Variants in EFHD1 observed in about 807,000 individuals in gnomAD.
The protein encoded by EFHD1 is EF-hand domain-containing protein D1.
In EFHD1, 10 loss-of-function variants were observed where a neutral mutation model predicts 17.2. The ratio of observed to expected loss-of-function variants is 0.58; its 90% CI spans 0.36 to 0.99. EFHD1 has a LOEUF of 0.99. Among genes scored for constraint, EFHD1 ranks in the 50% least tolerant of loss-of-function variants. The pLI, the probability that EFHD1 is intolerant of heterozygous loss-of-function variation, is 0.01. For synonymous variants in EFHD1, 153 were observed against 142.0 expected (o/e 1.08, Z -0.55); for missense variants, 310 against 327.5 (o/e 0.95, Z 0.41).
chr2:232,649,185 C>A (rs572379434), intron 1 of EFHD1, among the ~76,000 whole-genome samples: 20 of 152,246 alleles, frequency 1.3e-4, no homozygotes, highest in Non-Finnish European at 2.8e-4. Flanking sequence ...CAGCCATTGT[C>A]CCTTGCTGCT....
intron 1 of EFHD1, among the ~76,000 whole-genome samples, chr2:232,628,313 G>C (rs1042425129): frequency 1.4e-4 from 22 of 152,108 alleles, no homozygotes; most frequent in African/African-American, 5.1e-4. Flanking sequence ...TACCTACCTT[G>C]ACCTCCCAAA....
At chr2:232,663,894 T>C (rs1286801453) in intron 2 of EFHD1, among the ~76,000 whole-genome samples, 2 of 152,036 alleles carry the variant, frequency 1.3e-5, no homozygotes, top group African/African-American at 2.4e-5. Flanking sequence ...CTAGTCTCCA[T>C]TGATCCTCCC....
At chr2:232,659,483 G>A (rs1294044138) in intron 1 of EFHD1, among the ~76,000 whole-genome samples, 2 of 152,088 alleles carry the variant, frequency 1.3e-5, no homozygotes, top group African/African-American at 2.4e-5. Flanking sequence ...GAGAGGAATG[G>A]CACAAGTTGG....
At chr2:232,674,301 T>G (rs6710612) in intron 3 of EFHD1, among the ~76,000 whole-genome samples, 1,630 of 152,314 alleles carry the variant, frequency 0.011, 25 homozygotes, top group African/African-American at 0.038. Context: ...ATCAGGGAAG[T>G]GAGTTCATTG....
intron 2 of EFHD1, among the ~76,000 whole-genome samples, chr2:232,670,786 G>A (rs955898606): frequency 6.6e-6 from 1 of 152,030 alleles, no homozygotes; most frequent in African/African-American, 2.4e-5. Context: ...TTGAAAATTA[G>A]CATAAACATA....
chr2:232,617,361 A>G (rs1693944469), intron 1 of EFHD1, among the ~76,000 whole-genome samples: 4 of 152,156 alleles, frequency 2.6e-5, no homozygotes, highest in Admixed American at 2.0e-4. Context: ...GTATGTATCA[A>G]GAATGCTGGC....
rs1258657326 is a variant in EFHD1, at chr2:232,633,657, G to GCGTCC, written c.-40_-36dup. 1 of 1,379,478 alleles carries GCGTCC rather than the reference G, an allele frequency of 7.2e-7. No individual in the cohort carries two copies. The highest frequency in any genetic ancestry group is 9.3e-7 in the Non-Finnish European group (1 of 1,077,700). The allele number at this position is 1,379,478 out of a possible 1,614,324, so 85.5% of individuals were successfully genotyped here. A position where few individuals can be genotyped will look rare whatever the true frequency, so the allele number is the denominator to read the frequency against. ...GGAGCGCGCCGCCCGCCAGCTCCCT[G>GCGTCC]CGTCCCGTCCCGCGTCCCCGCGTTC... On this transcript the variant is annotated 5_prime_UTR_variant, in exon 1 of 4. Coordinates refer to ENST00000264059, the MANE Select transcript of EFHD1 (RefSeq NM_025202.4).
chr2:232,610,634 T>C (rs1165645208), intron 1 of EFHD1: 1 of 151,760 alleles, frequency 6.6e-6, no homozygotes, highest in African/African-American at 2.4e-5. Flanking sequence ...TCCCAACACT[T>C]TGGGAACCTG....
intron 2 of EFHD1, among the ~76,000 whole-genome samples, chr2:232,667,225 C>T (rs1005733347): frequency 2.0e-5 from 3 of 152,080 alleles, no homozygotes; most frequent in Non-Finnish European, 4.4e-5. Flanking sequence ...TGTGCTGGGC[C>T]GCCCGCCTGC....
intron 1 of EFHD1, among the ~76,000 whole-genome samples, chr2:232,661,017 G>A (rs541650568): frequency 1.8e-4 from 28 of 151,732 alleles, no homozygotes; most frequent in African/African-American, 5.8e-4. Flanking sequence ...GTGTGGTGGC[G>A]CACACCTGTA....
intron 1 of EFHD1, among the ~76,000 whole-genome samples, chr2:232,646,474 TCA>T (rs1417231841): frequency 2.5e-5 from 3 of 121,198 alleles, no homozygotes; most frequent in Non-Finnish European, 2.0e-5. Context: ...AGACAGTGTT[TCA>T]CTCTGTCACC....
chr2:232,629,593 C>T (rs145525713), upstream of EFHD1, among the ~76,000 whole-genome samples: 3,064 of 152,104 alleles, frequency 0.02, 78 homozygotes, highest in African/African-American at 0.059. Context: ...CTCAGCCTCC[C>T]GAGTACCTGG....
chr2:232,640,601 G>T (rs147458233), intron 1 of EFHD1, among the ~76,000 whole-genome samples: 5 of 152,210 alleles, frequency 3.3e-5, no homozygotes, highest in Admixed American at 6.5e-5. Flanking sequence ...AAGGATCTTG[G>T]CCCTTGAGAA....
chr2:232,662,210 C>T, intron 1 of EFHD1, among the ~76,000 whole-genome samples: 1 of 152,066 alleles, frequency 6.6e-6, no homozygotes. Flanking sequence ...GAGTCAGAGC[C>T]CTCTTGGTAG....
At chr2:232,617,776 T>C (rs1344941333) in intron 1 of EFHD1, among the ~76,000 whole-genome samples, 9 of 150,958 alleles carry the variant, frequency 6.0e-5, no homozygotes, top group African/African-American at 9.7e-5. Flanking sequence ...CAGCCATGGT[T>C]GTCTCTACTA....
chr2:232,676,180 A>G (rs994094803), intron 3 of EFHD1, among the ~76,000 whole-genome samples: 3 of 149,344 alleles, frequency 2.0e-5, no homozygotes, highest in Admixed American at 6.7e-5. Context: ...GTCTCAAAGG[A>G]AAAAAAAAAG....
chr2:232,673,484 C>T (rs562211464), intron 3 of EFHD1, among the ~76,000 whole-genome samples: 1 of 152,292 alleles, frequency 6.6e-6, no homozygotes, highest in South Asian at 2.1e-4. Context: ...CATCCACCCC[C>T]TGCAAATGCT....
At chr2:232,668,861 G>A (rs1056207214) in intron 2 of EFHD1, among the ~76,000 whole-genome samples, 2 of 151,806 alleles carry the variant, frequency 1.3e-5, no homozygotes, top group South Asian at 4.2e-4. Flanking sequence ...CTCGAACTCC[G>A]GACCTCAGGT....
chr2:232,649,539 G>A (rs984018120), intron 1 of EFHD1, among the ~76,000 whole-genome samples: 1 of 152,134 alleles, frequency 6.6e-6, no homozygotes, highest in African/African-American at 2.4e-5. Flanking sequence ...GGACAAGTTG[G>A]GTGTGGGCAG....
Sources: gnomAD v4.1 joint callset for allele counts (sites outside exome capture counted in the v4.1 genomes callset) on GRCh38, gnomAD v4.1.1 for gene constraint, MANE v1.5 for transcripts, NCBI Gene and HGNC (gene_info 2026-07-23, HGNC 2026-07-21) for gene names.